LDLRAD4: variants seen among roughly 807,000 people sequenced by gnomAD.
The protein encoded by LDLRAD4 is low density lipoprotein receptor class A domain containing 4, also known as low-density lipoprotein receptor class A domain-containing protein 4.
LDLRAD4 carries 5 observed loss-of-function variants against 17.0 expected under a neutral mutation model. The ratio of observed to expected loss-of-function variants is 0.29; its 90% CI spans 0.15 to 0.62. The LOEUF (loss-of-function observed/expected upper bound fraction) is 0.62. LDLRAD4 is among the 20% of genes least tolerant of loss of function. LDLRAD4 has a pLI of 0.84. For missense variants in LDLRAD4, 340 were observed against 424.7 expected, an observed-to-expected ratio of 0.80 and a Z score of 1.75; for synonymous variants, 168 against 171.8, an observed-to-expected ratio of 0.98 and a Z score of 0.17.
chr18:13,336,305 A>G (rs958173209), intron 1 of LDLRAD4, among the ~76,000 whole-genome samples: 2 of 152,108 alleles, frequency 1.3e-5, no homozygotes, highest in Non-Finnish European at 2.9e-5. Context: ...ATTAAGTCCA[A>G]TTTTACTAGA....
intron 3 of LDLRAD4, among the ~76,000 whole-genome samples, chr18:13,524,280 T>C (rs1296245074): frequency 6.6e-6 from 1 of 152,264 alleles, no homozygotes; most frequent in Non-Finnish European, 1.5e-5. Context: ...ATCAGCACCC[T>C]CACTTTGATG....
intron 1 of LDLRAD4, among the ~76,000 whole-genome samples, chr18:13,233,106 A>G (rs1439201542): frequency 6.6e-6 from 1 of 152,234 alleles, no homozygotes; most frequent in African/African-American, 2.4e-5. Flanking sequence ...TGCGTTAGGG[A>G]TGGAGCTTGC....
chr18:13,267,061 T>C (rs1296000905), intron 1 of LDLRAD4, among the ~76,000 whole-genome samples: 2 of 152,254 alleles, frequency 1.3e-5, no homozygotes, highest in Non-Finnish European at 2.9e-5. Context: ...TGTGAAAATA[T>C]TCTCAGACTG....
intron 3 of LDLRAD4, among the ~76,000 whole-genome samples, chr18:13,619,486 TTG>T (rs58820493): frequency 0.79 from 97,963 of 124,586 alleles, 38,083 homozygotes; most frequent in East Asian, 0.99. Flanking sequence ...GGGAGCGTTT[TTG>T]TGTGTGTGTG....
chr18:13,595,970 A>G (rs184759563), intron 3 of LDLRAD4, among the ~76,000 whole-genome samples: 19 of 152,268 alleles, frequency 1.2e-4, no homozygotes, highest in African/African-American at 4.1e-4. Flanking sequence ...GTGGAGTATT[A>G]TGGTATCCAG....
At chr18:13,322,411 C>T (rs6505802) in intron 1 of LDLRAD4, among the ~76,000 whole-genome samples, 57,686 of 150,630 alleles carry the variant, frequency 0.38, 11,303 homozygotes, top group African/African-American at 0.48. Flanking sequence ...GTGATTCTCC[C>T]AACTCAGCCT....
intron 3 of LDLRAD4, among the ~76,000 whole-genome samples, chr18:13,448,414 C>T (rs1427260356): frequency 4.6e-5 from 7 of 152,104 alleles, no homozygotes; most frequent in Admixed American, 2.0e-4. Context: ...GGGTCTCTTC[C>T]GGGCAGCTCC....
intron 1 of LDLRAD4, among the ~76,000 whole-genome samples, chr18:13,342,220 T>G (rs188302667): frequency 1.3e-5 from 2 of 152,070 alleles, no homozygotes; most frequent in Non-Finnish European, 2.9e-5. Flanking sequence ...CTTGGTATAG[T>G]TTCGGTATCA....
At chr18:13,476,998 A>G (rs559811140) in intron 3 of LDLRAD4, among the ~76,000 whole-genome samples, 4 of 152,360 alleles carry the variant, frequency 2.6e-5, no homozygotes, top group African/African-American at 9.6e-5. Context: ...AAGAAAACTC[A>G]CTAAGATCCG....
intron 1 of LDLRAD4, among the ~76,000 whole-genome samples, chr18:13,348,880 G>T (rs968427358): frequency 6.6e-6 from 1 of 152,198 alleles, no homozygotes; most frequent in Non-Finnish European, 1.5e-5. Flanking sequence ...CCAGGCACGG[G>T]ATATAATCTC....
chr18:13,629,578 A>G (rs1568429444), intron 4 of LDLRAD4, among the ~76,000 whole-genome samples: 1 of 152,360 alleles, frequency 6.6e-6, no homozygotes, highest in Non-Finnish European at 1.5e-5. Context: ...CTGGGCATCT[A>G]TAGACTCCCA....
chr18:13,369,298 C>T (rs988176769), intron 1 of LDLRAD4, among the ~76,000 whole-genome samples: 2 of 152,158 alleles, frequency 1.3e-5, no homozygotes, highest in African/African-American at 2.4e-5. Context: ...CATTTTCTGC[C>T]CTCTAGTTGC....
At chr18:13,333,448 A>T (rs1437113701) in intron 1 of LDLRAD4, among the ~76,000 whole-genome samples, 2 of 152,092 alleles carry the variant, frequency 1.3e-5, no homozygotes, top group Non-Finnish European at 2.9e-5. Context: ...TATTTCTTTT[A>T]TGGATCATGC....
intron 2 of LDLRAD4, among the ~76,000 whole-genome samples, chr18:13,430,181 C>T (rs1163252098): frequency 6.6e-6 from 1 of 152,194 alleles, no homozygotes; most frequent in Non-Finnish European, 1.5e-5. Flanking sequence ...CACGTTTCTG[C>T]TGTCAACACC....
rs566418137 is a variant in LDLRAD4 at position 13,331,357 on chromosome 18, C to T, written c.-383+53169C>T. On this transcript the variant is annotated intron_variant, in intron 1 of 5. Coordinates refer to ENST00000359446, the Ensembl canonical transcript of LDLRAD4. ...CCTCCCCACATTTGCTCTCAGAAGA[C>T]TTCTGTGTTGATTGTTGTGTTGTGA... Among the ~76,000 whole-genome samples the T allele has an allele frequency of 4.5e-4, 68 of 152,290 alleles. 2 individuals are homozygous for T. In the East Asian group the frequency reaches 0.012, roughly 26 times the overall value.
chr18:13,586,043 G>C (rs2094928519), intron 3 of LDLRAD4, among the ~76,000 whole-genome samples: 2 of 152,124 alleles, frequency 1.3e-5, no homozygotes, highest in Admixed American at 1.3e-4. Context: ...GTGAATGAAA[G>C]TTGAAGATAT....
chr18:13,226,151 T>G (rs989528176), intron 1 of LDLRAD4, among the ~76,000 whole-genome samples: 25 of 144,148 alleles, frequency 1.7e-4, no homozygotes, highest in Non-Finnish European at 2.9e-4. Context: ...CTCCTAAGTA[T>G]CTGGGACTAC....
chr18:13,311,443 A>G (rs868781626), intron 1 of LDLRAD4, among the ~76,000 whole-genome samples: 18 of 152,148 alleles, frequency 1.2e-4, no homozygotes, highest in South Asian at 4.1e-4. Context: ...ACTCCCAGGG[A>G]CTGCTAAGGA....
At chr18:13,254,987 A>C (rs1283986147) in intron 1 of LDLRAD4, among the ~76,000 whole-genome samples, 6 of 152,104 alleles carry the variant, frequency 3.9e-5, no homozygotes, top group Non-Finnish European at 2.9e-5. Context: ...TAAAAGAAAA[A>C]CCCAATTCTT....
Sources: allele counts gnomAD v4.1 joint callset (sites outside exome capture counted in the v4.1 genomes callset), GRCh38; gene constraint gnomAD v4.1.1; transcripts MANE v1.5; gene names NCBI Gene and HGNC (gene_info 2026-07-23, HGNC 2026-07-21).